The following LCLAT1 variants were observed in gnomAD, a reference collection of about 807,000 sequenced individuals.
LCLAT1 encodes 1-AGP acyltransferase 8.
Under a neutral mutation model 30.7 loss-of-function variants are expected in LCLAT1, and 11 were observed. That is an observed-to-expected ratio of 0.36 (90% confidence interval 0.23 to 0.59). The LOEUF is 0.59. Among genes scored for constraint, LCLAT1 ranks in the 20% least tolerant of loss-of-function variants. The probability of loss-of-function intolerance (pLI) is 0.77; values close to 1 mark genes in which losing one functional copy is unlikely to be tolerated. For missense variants in LCLAT1, 402 were observed against 458.6 expected (o/e 0.88, Z 1.13); for synonymous variants, 155 against 151.3 (o/e 1.02, Z -0.18).
chr2:30,460,110 G>A (rs138132950), intron 1 of LCLAT1, among the ~76,000 whole-genome samples: 1,966 of 152,222 alleles, frequency 0.013, 19 homozygotes, highest in Middle Eastern at 0.02. Context: ...TTTGACATAG[G>A]AGCTTATGTG....
intron 5 of LCLAT1, among the ~76,000 whole-genome samples, chr2:30,617,555 T>C (rs1572703344): frequency 6.6e-6 from 1 of 152,218 alleles, no homozygotes; most frequent in Non-Finnish European, 1.5e-5. Flanking sequence ...ATACCTATGC[T>C]GTCATTCTCT....
intron 4 of LCLAT1, among the ~76,000 whole-genome samples, chr2:30,566,438 C>A (rs1303252069): frequency 6.6e-6 from 1 of 152,128 alleles, no homozygotes; most frequent in Non-Finnish European, 1.5e-5. Flanking sequence ...GAGGAACTTA[C>A]TACTCTTCAT....
At chr2:30,622,870 T>C (rs1462661326) in intron 5 of LCLAT1, among the ~76,000 whole-genome samples, 3 of 152,054 alleles carry the variant, frequency 2.0e-5, no homozygotes, top group Admixed American at 2.0e-4. Context: ...CCAGAAAAAC[T>C]ATTCTGGTAA....
intron 5 of LCLAT1, among the ~76,000 whole-genome samples, chr2:30,585,718 T>G (rs1666404708): frequency 6.6e-6 from 1 of 152,220 alleles, no homozygotes; most frequent in South Asian, 2.1e-4. Flanking sequence ...GTCCATTGTT[T>G]AAACCAAACT....
intron 4 of LCLAT1, among the ~76,000 whole-genome samples, chr2:30,562,686 G>A (rs1665290034): frequency 6.6e-6 from 1 of 152,044 alleles, no homozygotes; most frequent in Non-Finnish European, 1.5e-5. Flanking sequence ...TTAAGCCTCA[G>A]AATATATTTT....
chr2:30,636,012 G>C (rs1476082920), intron 5 of LCLAT1, among the ~76,000 whole-genome samples: 1 of 152,096 alleles, frequency 6.6e-6, no homozygotes, highest in Non-Finnish European at 1.5e-5. Context: ...TGGCAACCAG[G>C]TACCCAAATG....
intron 5 of LCLAT1, among the ~76,000 whole-genome samples, chr2:30,589,988 T>A (rs1461837033): frequency 6.6e-6 from 1 of 152,100 alleles, no homozygotes; most frequent in Non-Finnish European, 1.5e-5. Flanking sequence ...AATTCTATTT[T>A]ATGGAATTTT....
At chr2:30,601,131 C>T (rs902310204) in intron 5 of LCLAT1, among the ~76,000 whole-genome samples, 1 of 152,052 alleles carries the variant, frequency 6.6e-6, no homozygotes, top group Admixed American at 6.6e-5. Flanking sequence ...TTTTCAGCTC[C>T]ATCAGATCAT....
intron 5 of LCLAT1, among the ~76,000 whole-genome samples, chr2:30,628,193 G>A (rs1034961026): frequency 2.6e-5 from 4 of 152,118 alleles, no homozygotes; most frequent in African/African-American, 9.7e-5. Flanking sequence ...TTATGAAATT[G>A]TTTAGGAATA....
intron 5 of LCLAT1, among the ~76,000 whole-genome samples, chr2:30,598,948 T>C (rs1389172776): frequency 1.3e-5 from 2 of 151,958 alleles, no homozygotes; most frequent in African/African-American, 2.4e-5. Flanking sequence ...TTCCATGTAG[T>C]TGTATGATTT....
chr2:30,526,198 A>G (rs1685712031), intron 2 of LCLAT1, among the ~76,000 whole-genome samples: 1 of 151,422 alleles, frequency 6.6e-6, no homozygotes, highest in African/African-American at 2.4e-5. Flanking sequence ...TATTTTTTTC[A>G]CATTTTTTTC....
chr2:30,537,608 A>G (rs1461917382), intron 3 of LCLAT1, among the ~76,000 whole-genome samples: 1 of 152,102 alleles, frequency 6.6e-6, no homozygotes, highest in Non-Finnish European at 1.5e-5. Flanking sequence ...ATCTAAAGGG[A>G]GCGTTAGACC....
At chr2:30,545,686 C>G (rs1484986647) in intron 3 of LCLAT1, among the ~76,000 whole-genome samples, 1 of 152,030 alleles carries the variant, frequency 6.6e-6, no homozygotes, top group South Asian at 2.1e-4. Flanking sequence ...GATGGTGGTG[C>G]ATATGTAGAT....
chr2:30,609,717 T>G (rs1007618476), intron 5 of LCLAT1, among the ~76,000 whole-genome samples: 2 of 152,130 alleles, frequency 1.3e-5, no homozygotes, highest in Non-Finnish European at 2.9e-5. Flanking sequence ...TTTGAACTCA[T>G]AGTGTTCATT....
At chr2:30,454,728 C>T (rs1028013830) in intron 1 of LCLAT1, among the ~76,000 whole-genome samples, 1 of 151,814 alleles carries the variant, frequency 6.6e-6, no homozygotes, top group Non-Finnish European at 1.5e-5. Context: ...TGATTACAGG[C>T]GTGAGCCACT....
chr2:30,495,715 T>TG (rs1379821805), intron 1 of LCLAT1, among the ~76,000 whole-genome samples: 1 of 152,066 alleles, frequency 6.6e-6, no homozygotes, highest in East Asian at 1.9e-4. Flanking sequence ...GGGTGTTGGA[T>TG]GGATTACACA....
At chr2:30,448,940 A>T (rs977573278) in intron 1 of LCLAT1, among the ~76,000 whole-genome samples, 2 of 152,258 alleles carry the variant, frequency 1.3e-5, no homozygotes, top group African/African-American at 4.8e-5. Flanking sequence ...GGGCTTTAAA[A>T]AGTTAAAAAA....
chr2:30,466,288 G>T (rs1442023050), intron 1 of LCLAT1, among the ~76,000 whole-genome samples: 2 of 120,122 alleles, frequency 1.7e-5, no homozygotes, highest in African/African-American at 5.8e-5. Flanking sequence ...TTGAGACAGG[G>T]TCTCACTGCC....
intron 5 of LCLAT1, among the ~76,000 whole-genome samples, chr2:30,593,966 T>G (rs1000820800): frequency 6.6e-6 from 1 of 151,780 alleles, no homozygotes; most frequent in African/African-American, 2.4e-5. Context: ...TTCTAAAATT[T>G]TATCATTCCA....
Sources: allele counts gnomAD v4.1 joint callset (sites outside exome capture counted in the v4.1 genomes callset), GRCh38; gene constraint gnomAD v4.1.1; transcripts MANE v1.5; gene names NCBI Gene and HGNC (gene_info 2026-07-23, HGNC 2026-07-21).